The following ARMC9 variants were observed in gnomAD, a reference collection of about 807,000 sequenced individuals.
ARMC9 encodes armadillo repeat containing 9.
A neutral mutation model predicts 107.0 loss-of-function variants in ARMC9; 94 were observed. The ratio of observed to expected loss-of-function variants is 0.88; its 90% CI spans 0.74 to 1.04. ARMC9 has a LOEUF of 1.04. Among genes scored for constraint, ARMC9 ranks in the 50% least tolerant of loss-of-function variants. The pLI is 0.00. For synonymous variants in ARMC9, 380 were observed against 396.9 expected (o/e 0.96, Z 0.51); for missense variants, 942 against 1,030.1 (o/e 0.91, Z 1.17).
intron 19 of ARMC9, among the ~76,000 whole-genome samples, chr2:231,324,386 A>G (rs1350417472): frequency 6.6e-6 from 1 of 150,646 alleles, no homozygotes. Context: ...TCGGCCTCCC[A>G]AAGTGCTGGG....
At chr2:231,200,703 C>T (rs1477248647) in intron 1 of ARMC9, among the ~76,000 whole-genome samples, 2 of 151,524 alleles carry the variant, frequency 1.3e-5, no homozygotes, top group African/African-American at 2.4e-5. Flanking sequence ...GGCGTCATGG[C>T]GCATGCCTAT....
intron 19 of ARMC9, among the ~76,000 whole-genome samples, chr2:231,298,237 C>G (rs1395284272): frequency 1.3e-5 from 2 of 152,168 alleles, no homozygotes; most frequent in African/African-American, 4.8e-5. Flanking sequence ...TGTGATGAAC[C>G]CCGGGCAGCA....
intron 19 of ARMC9, among the ~76,000 whole-genome samples, chr2:231,313,142 C>G (rs1035311849): frequency 2.6e-5 from 4 of 152,108 alleles, no homozygotes; most frequent in African/African-American, 9.7e-5. Context: ...TTGGGTTCAT[C>G]TATTGTGGAA....
intron 19 of ARMC9, among the ~76,000 whole-genome samples, chr2:231,306,187 C>G (rs945890537): frequency 1.3e-5 from 2 of 152,170 alleles, no homozygotes; most frequent in Non-Finnish European, 2.9e-5. Context: ...ACTTTCCCTC[C>G]CTTATTACTT....
At chr2:231,293,489 C>T (rs1186362337) in intron 18 of ARMC9, among the ~76,000 whole-genome samples, 1 of 152,200 alleles carries the variant, frequency 6.6e-6, no homozygotes, top group African/African-American at 2.4e-5. Flanking sequence ...TCCTTCCTGG[C>T]AGCCAAGAAG....
In ARMC9 at chr2:231,289,558, G is replaced by C. The variant is rs940917345; in HGVS notation, c.1627-1795G>C. Among the ~76,000 whole-genome samples, 6 of 152,206 alleles carry C rather than the reference G, an allele frequency of 3.9e-5. No individual in the cohort carries two copies. In the East Asian group the frequency reaches 1.2e-3, roughly 29 times the overall value. ...CCTTCCTGTGGCCCTTACATTGAGT[G>C]GGGGATGGAGAAGAGAGGAGAGACA... is the stretch of plus-strand genomic sequence containing the variant. On this transcript the variant is annotated intron_variant, in intron 17 of 24. Coordinates refer to ENST00000611582, the MANE Select transcript of ARMC9 (RefSeq NM_001352754.2).
chr2:231,208,358 C>T (rs1574846097), intron 3 of ARMC9, 106 bp downstream of exon 3: 1 of 869,206 alleles, frequency 1.2e-6, no homozygotes, highest in East Asian at 2.5e-5. Flanking sequence ...AGCACTTGCT[C>T]AGAGTTACTT....
intron 18 of ARMC9, among the ~76,000 whole-genome samples, chr2:231,292,425 C>T (rs534876160): frequency 6.6e-6 from 1 of 152,258 alleles, no homozygotes; most frequent in African/African-American, 2.4e-5. Flanking sequence ...GAAACTTCAT[C>T]ATTTTCCCAC....
intron 21 of ARMC9, among the ~76,000 whole-genome samples, chr2:231,350,309 AGCCACTGT>A (rs1438277772): frequency 6.6e-6 from 1 of 151,992 alleles, no homozygotes; most frequent in Non-Finnish European, 1.5e-5. Context: ...TACAGGTGTG[AGCCACTGT>A]GCCTGGCCTT....
At chr2:231,322,123 TG>T (rs1478085019) in intron 19 of ARMC9, among the ~76,000 whole-genome samples, 1 of 152,248 alleles carries the variant, frequency 6.6e-6, no homozygotes, top group Non-Finnish European at 1.5e-5. Context: ...GCTGCATTTT[TG>T]TGAATGGGGA....
intron 11 of ARMC9, among the ~76,000 whole-genome samples, chr2:231,262,087 G>T (rs757605149): frequency 6.6e-6 from 1 of 152,128 alleles, no homozygotes; most frequent in Admixed American, 6.5e-5. Flanking sequence ...CTCCCAAATT[G>T]CTGGGATTAC....
At chr2:231,342,013 A>G in intron 20 of ARMC9, among the ~76,000 whole-genome samples, 1 of 152,218 alleles carries the variant, frequency 6.6e-6, no homozygotes, top group East Asian at 1.9e-4. Context: ...TGCAGAACTC[A>G]GTATAAACAG....
At chr2:231,203,423 C>G (rs1275836928) in intron 1 of ARMC9, among the ~76,000 whole-genome samples, 1 of 152,222 alleles carries the variant, frequency 6.6e-6, no homozygotes, top group African/African-American at 2.4e-5. Flanking sequence ...TCACAGCGCT[C>G]ATGGCCCCTC....
chr2:231,228,995 A>G (rs2034947811), intron 7 of ARMC9, among the ~76,000 whole-genome samples: 2 of 152,110 alleles, frequency 1.3e-5, no homozygotes, highest in Admixed American at 1.3e-4. Flanking sequence ...ATGCAAATAA[A>G]AGAATTGTCT....
At chr2:231,225,986 AACTGGGATTACAGGCACCC>A (rs1404440377) in intron 6 of ARMC9, among the ~76,000 whole-genome samples, 3 of 152,094 alleles carry the variant, frequency 2.0e-5, no homozygotes, top group Admixed American at 6.6e-5. Context: ...CCTCCCAAGT[AACTGGGATTACAGGCACCC>A]ACTACCAAAC....
At chr2:231,271,100 A>G (rs1330003501) in intron 13 of ARMC9, 28 bp downstream of exon 13, 1 of 1,607,592 alleles carries the variant, frequency 6.2e-7, no homozygotes, top group East Asian at 2.2e-5. Flanking sequence ...CTTCAAAGAT[A>G]AGAGCTAGGT....
intron 19 of ARMC9, among the ~76,000 whole-genome samples, chr2:231,310,556 C>T (rs1034122692): frequency 6.6e-6 from 1 of 151,422 alleles, no homozygotes; most frequent in Non-Finnish European, 1.5e-5. Flanking sequence ...CATGGAGAAA[C>T]CCCATCTCAA....
intron 3 of ARMC9, among the ~76,000 whole-genome samples, chr2:231,213,644 T>G (rs1177215005): frequency 6.6e-6 from 1 of 152,070 alleles, no homozygotes; most frequent in Non-Finnish European, 1.5e-5. Flanking sequence ...GCCCGGCTAA[T>G]TTTTGTATTT....
intron 8 of ARMC9, among the ~76,000 whole-genome samples, chr2:231,238,454 A>G (rs1424693825): frequency 6.6e-6 from 1 of 152,200 alleles, no homozygotes; most frequent in Non-Finnish European, 1.5e-5. Context: ...GGCTCAAGCC[A>G]TCCTTTCACC....
Sources: gnomAD v4.1 joint callset for allele counts (sites outside exome capture counted in the v4.1 genomes callset) on GRCh38, gnomAD v4.1.1 for gene constraint, MANE v1.5 for transcripts, NCBI Gene and HGNC (gene_info 2026-07-23, HGNC 2026-07-21) for gene names.